The following WDR4 variants were observed in gnomAD, a reference collection of about 807,000 sequenced individuals.
WDR4 encodes tRNA (guanine-N(7)-)-methyltransferase non-catalytic subunit WDR4.
In WDR4, 47 loss-of-function variants were observed where a neutral mutation model predicts 48.6. The ratio of observed to expected loss-of-function variants is 0.97; its 90% CI spans 0.77 to 1.23. The LOEUF (loss-of-function observed/expected upper bound fraction) is 1.23. WDR4 is among the 50% of genes most tolerant of loss of function. The pLI, the probability that WDR4 is intolerant of heterozygous loss-of-function variation, is 0.00. For synonymous variants in WDR4, 268 were observed against 230.0 expected (o/e 1.17, Z -1.49); for missense variants, 606 against 551.6 (o/e 1.10, Z -0.99).
upstream of WDR4, among the ~76,000 whole-genome samples, chr21:42,884,237 G>A (rs1345439698): frequency 6.6e-6 from 1 of 152,194 alleles, no homozygotes; most frequent in African/African-American, 2.4e-5. Context: ...ATGGTGTTGT[G>A]AACATTCCAC....
chr21:42,887,306 T>A, the WDR4 span, among the ~76,000 whole-genome samples: 2 of 151,272 alleles, frequency 1.3e-5, no homozygotes, highest in South Asian at 2.1e-4. Flanking sequence ...TTTTTTTTTT[T>A]TTTTTTTTAT....
At chr21:42,852,350 C>T (rs2057854903) in intron 9 of WDR4, 26 bp from the exon 10 acceptor site, 1 of 1,612,514 alleles carries the variant, frequency 6.2e-7, no homozygotes, top group Non-Finnish European at 8.5e-7. Context: ...AGGAAATCTT[C>T]ATCAGAAAGA....
At chr21:42,880,283 C>A (rs2058597183), upstream of WDR4, among the ~76,000 whole-genome samples, 1 of 152,086 alleles carries the variant, frequency 6.6e-6, no homozygotes, top group Non-Finnish European at 1.5e-5. Flanking sequence ...TATTTTCAAC[C>A]CAAACTATGG....
chr21:42,868,559 G>A (rs531149662), intron 3 of WDR4, among the ~76,000 whole-genome samples: 2 of 152,350 alleles, frequency 1.3e-5, no homozygotes, highest in South Asian at 2.1e-4. Context: ...TCTGGTACCA[G>A]ACATCAAAAG....
chr21:42,843,302 G>T (rs563026740), intron 11 of WDR4: 1 of 151,674 alleles, frequency 6.6e-6, no homozygotes, highest in South Asian at 2.1e-4. Flanking sequence ...CAGTAATAAT[G>T]AATTAGCAGA....
At chr21:42,892,492 C>CTG in the WDR4 span, among the ~76,000 whole-genome samples, 1 of 83,470 alleles carries the variant, frequency 1.2e-5, no homozygotes, top group East Asian at 2.2e-4. Flanking sequence ...GAATCGCTAG[C>CTG]TGTGTCAGGA....
chr21:42,844,134 C>T (rs2057690229), intron 11 of WDR4, among the ~76,000 whole-genome samples: 1 of 152,064 alleles, frequency 6.6e-6, no homozygotes, highest in Non-Finnish European at 1.5e-5. Context: ...AAAAATGAAA[C>T]GCAAACTGAA....
chr21:42,886,430 T>G, the WDR4 span, among the ~76,000 whole-genome samples: 4 of 152,382 alleles, frequency 2.6e-5, no homozygotes, highest in East Asian at 7.7e-4. Flanking sequence ...CATGGGATCC[T>G]TTTAAAATTT....
chr21:42,850,333 C>T lies in WDR4; in HGVS notation c.1046-91G>A, dbSNP rs115735373. On this transcript the variant is annotated intron_variant, in intron 10 of 10. Coordinates refer to ENST00000398208, the MANE Select transcript of WDR4 (RefSeq NM_018669.6). ...GGCCCCCTGCAGCAGGGAGTTACCT[C>T]GTGACTCCCAGAGTCCTCGGTGGAC... is the stretch of plus-strand genomic sequence containing the variant. 1,231 of 1,217,646 alleles carry T rather than the reference C, an allele frequency of 1.0e-3. 10 individuals are homozygous for T. The African/African-American group carries it at 0.017, about 16-fold the overall frequency. 75.4% of individuals were successfully genotyped at this position (1,217,646 alleles called of 1,614,324 possible). A position where few individuals can be genotyped will look rare whatever the true frequency, so the allele number is the denominator to read the frequency against.
At chr21:42,852,124 G>T in intron 10 of WDR4, 131 bp downstream of exon 10, 1 of 948,644 alleles carries the variant, frequency 1.1e-6, no homozygotes, top group East Asian at 2.6e-5. Context: ...CTTCTGGATG[G>T]GGACACACGC....
rs948621688 is a variant in WDR4 at position 42,849,809 on chromosome 21, A to C, written c.*240T>G. 10 of 479,900 alleles carry C rather than the reference A, an allele frequency of 2.1e-5. No individual in the cohort carries two copies. The highest frequency in any genetic ancestry group is 5.4e-4 in the Middle Eastern group (1 of 1,856). The allele number at this position is 479,900 out of a possible 1,614,324, so 29.7% of individuals were successfully genotyped here. A position where few individuals can be genotyped will look rare whatever the true frequency, so the allele number is the denominator to read the frequency against. On this transcript the variant is annotated 3_prime_UTR_variant, in exon 11 of 11. Transcript: ENST00000398208. ...CTCCGACATGAAAAGAAAGTGCTTCAAGAGCTTCCACTCCACTGGTCTGGC... is the reference window on the plus strand; with the variant it reads ...CTCCGACATGAAAAGAAAGTGCTTCCAGAGCTTCCACTCCACTGGTCTGGC...
intron 6 of WDR4, 82 bp from the exon 7 acceptor site, chr21:42,855,862 G>T: frequency 8.4e-7 from 1 of 1,193,524 alleles, no homozygotes; most frequent in Non-Finnish European, 1.1e-6. Context: ...GCTGCGTGTG[G>T]TCGGGGTTCC....
chr21:42,882,214 A>G (rs770504116), upstream of WDR4, among the ~76,000 whole-genome samples: 18 of 149,654 alleles, frequency 1.2e-4, no homozygotes, highest in Admixed American at 9.3e-4. Flanking sequence ...CCATTTTTAT[A>G]AATCATTGAT....
At chr21:42,861,571 G>A (rs200594753) in intron 5 of WDR4, among the ~76,000 whole-genome samples, 5 of 152,074 alleles carry the variant, frequency 3.3e-5, no homozygotes, top group Admixed American at 1.3e-4. Flanking sequence ...GAGAACTCCA[G>A]AGCTGGATCA....
chr21:42,879,407 C>T lies in WDR4; in HGVS notation c.89G>A (p.Ser30Asn). ...TGTTCCAAGACCAAGGCCCCCTCACCTGCTTGCTATGGAGGTGGCCAGGAA... is the reference window on the plus strand; with the variant it reads ...TGTTCCAAGACCAAGGCCCCCTCACTTGCTTGCTATGGAGGTGGCCAGGAA... ...SRFLATSIAS[S>N]DDDSLFIYDC... Residue 30 changes from serine to asparagine, a missense_variant and splice_region_variant, in exon 1 of 11, where the codon AGT becomes AAT. Ser to Asn is a conservative substitution (Grantham distance 46, BLOSUM62 1). Coordinates refer to ENST00000398208, the MANE Select transcript of WDR4 (RefSeq NM_018669.6). The T allele has an allele frequency of 6.2e-7, 1 of 1,613,724 alleles. No individual in the cohort carries two copies. The highest frequency in any genetic ancestry group is 8.5e-7 in the Non-Finnish European group (1 of 1,179,822).
chr21:42,851,267 C>A (rs2057820903), intron 10 of WDR4, among the ~76,000 whole-genome samples: 1 of 152,240 alleles, frequency 6.6e-6, no homozygotes, highest in Non-Finnish European at 1.5e-5. Flanking sequence ...CAGGCCCACT[C>A]TGAAGTGTTC....
intron 9 of WDR4, among the ~76,000 whole-genome samples, chr21:42,853,127 C>T (rs2057880265): frequency 6.6e-6 from 1 of 152,126 alleles, no homozygotes; most frequent in South Asian, 2.1e-4. Flanking sequence ...ACCCCACTGT[C>T]TCCCCAGAGG....
upstream of WDR4, among the ~76,000 whole-genome samples, chr21:42,882,600 G>A (rs1601199950): frequency 6.6e-6 from 1 of 151,948 alleles, no homozygotes; most frequent in South Asian, 2.1e-4. Flanking sequence ...TTGTTGTGTT[G>A]TATTTCTAGT....
At chr21:42,852,686 C>T (rs1479921835) in intron 9 of WDR4, among the ~76,000 whole-genome samples, 5 of 152,170 alleles carry the variant, frequency 3.3e-5, no homozygotes, top group African/African-American at 7.2e-5. Flanking sequence ...GAGGCCAAGG[C>T]GGGCGGATCA....
Sources: allele counts gnomAD v4.1 joint callset (sites outside exome capture counted in the v4.1 genomes callset), GRCh38; gene constraint gnomAD v4.1.1; transcripts MANE v1.5; gene names NCBI Gene and HGNC (gene_info 2026-07-23, HGNC 2026-07-21).